CFAP299: variants seen among roughly 807,000 people sequenced by gnomAD.
CFAP299 encodes cilia- and flagella-associated protein 299.
A neutral mutation model predicts 27.0 loss-of-function variants in CFAP299; 21 were observed. That is an observed-to-expected ratio of 0.78 (90% CI 0.55 to 1.12). The LOEUF is 1.12. CFAP299 is among the 50% of genes most tolerant of loss of function. The probability of loss-of-function intolerance (pLI) is 0.00; values close to 1 mark genes in which losing one functional copy is unlikely to be tolerated. For synonymous variants in CFAP299, 104 were observed against 98.1 expected (o/e 1.06, Z -0.36); for missense variants, 310 against 276.6 (o/e 1.12, Z -0.86).
At chr4:80,657,517 T>C (rs1740620901) in intron 3 of CFAP299, among the ~76,000 whole-genome samples, 2 of 152,208 alleles carry the variant, frequency 1.3e-5, no homozygotes, top group Non-Finnish European at 2.9e-5. Context: ...TTGTCAGGTT[T>C]GTCAAAGATC....
intron 3 of CFAP299, among the ~76,000 whole-genome samples, chr4:80,756,810 A>G (rs1725263277): frequency 1.3e-5 from 2 of 152,298 alleles, no homozygotes; most frequent in South Asian, 4.1e-4. Context: ...TGTCATATAT[A>G]AAGTATCTAG....
chr4:80,507,143 T>A (rs940332150), intron 2 of CFAP299, among the ~76,000 whole-genome samples: 1 of 152,130 alleles, frequency 6.6e-6, no homozygotes. Flanking sequence ...GCTCATACTC[T>A]CATGGAGGCT....
chr4:80,363,627 G>A (rs1300629936), intron 2 of CFAP299, among the ~76,000 whole-genome samples: 5 of 152,114 alleles, frequency 3.3e-5, no homozygotes, highest in Non-Finnish European at 4.4e-5. Context: ...ATAACATTTG[G>A]TAGTGGAATG....
At chr4:80,358,852 C>A (rs1723400973) in intron 1 of CFAP299, among the ~76,000 whole-genome samples, 1 of 152,104 alleles carries the variant, frequency 6.6e-6, no homozygotes, top group Admixed American at 6.5e-5. Flanking sequence ...TGGATTTGAT[C>A]CTGTCACCAC....
intron 4 of CFAP299, among the ~76,000 whole-genome samples, chr4:80,921,013 T>C (rs1483099412): frequency 6.6e-6 from 1 of 152,078 alleles, no homozygotes; most frequent in Non-Finnish European, 1.5e-5. Flanking sequence ...AATGCATGTT[T>C]GTTGCCTTCT....
At chr4:80,616,320 A>C (rs1316089220) in intron 3 of CFAP299, among the ~76,000 whole-genome samples, 1 of 152,140 alleles carries the variant, frequency 6.6e-6, no homozygotes, top group Non-Finnish European at 1.5e-5. Context: ...ACTTCATATA[A>C]AAGACTTCAA....
At chr4:80,471,046 C>T (rs71596009) in intron 2 of CFAP299, among the ~76,000 whole-genome samples, 1,867 of 151,934 alleles carry the variant, frequency 0.012, 21 homozygotes, top group Non-Finnish European at 0.017. Flanking sequence ...CACAGAATAA[C>T]CTCGTACAGG....
At chr4:80,726,153 C>T (rs1250913191) in intron 3 of CFAP299, among the ~76,000 whole-genome samples, 1 of 151,868 alleles carries the variant, frequency 6.6e-6, no homozygotes, top group Admixed American at 6.6e-5. Context: ...TGAGTTTATA[C>T]CATCTTTATT....
intron 2 of CFAP299, among the ~76,000 whole-genome samples, chr4:80,426,748 G>C (rs1727549533): frequency 6.6e-6 from 1 of 152,214 alleles, no homozygotes; most frequent in Admixed American, 6.5e-5. Flanking sequence ...GCCTGAGTTA[G>C]ATTCTTGGTT....
chr4:80,708,612 T>C (rs1486408260), intron 3 of CFAP299, among the ~76,000 whole-genome samples: 2 of 152,148 alleles, frequency 1.3e-5, no homozygotes, highest in Admixed American at 1.3e-4. Flanking sequence ...TTCGTGTTAA[T>C]ATTTTTAACA....
At chr4:80,943,093 G>A (rs1330351338) in intron 4 of CFAP299, among the ~76,000 whole-genome samples, 1 of 152,158 alleles carries the variant, frequency 6.6e-6, no homozygotes, top group Non-Finnish European at 1.5e-5. Context: ...GGCCATGAAT[G>A]CACAATTCTC....
At chr4:80,578,495 T>G (rs978461940) in intron 2 of CFAP299, among the ~76,000 whole-genome samples, 1 of 152,168 alleles carries the variant, frequency 6.6e-6, no homozygotes, top group African/African-American at 2.4e-5. Context: ...TTTATCTTCC[T>G]CATTGAGTTT....
intron 3 of CFAP299, among the ~76,000 whole-genome samples, chr4:80,799,268 ATATT>A (rs1203061836): frequency 9.0e-6 from 1 of 110,574 alleles, no homozygotes; most frequent in Non-Finnish European, 1.7e-5. Context: ...TATTTATATA[ATATT>A]TATATATATA....
chr4:80,574,608 C>T (rs1473205168), intron 2 of CFAP299, among the ~76,000 whole-genome samples: 3 of 152,068 alleles, frequency 2.0e-5, no homozygotes, highest in Non-Finnish European at 4.4e-5. Flanking sequence ...TCATATTTGG[C>T]TTTTATTGTT....
At chr4:80,843,397 A>G (rs964185519) in intron 3 of CFAP299, among the ~76,000 whole-genome samples, 4 of 152,082 alleles carry the variant, frequency 2.6e-5, no homozygotes, top group African/African-American at 9.7e-5. Context: ...ATGTCCCTAC[A>G]AAGGACATGA....
chr4:80,838,731 G>C (rs1340422778), intron 3 of CFAP299, among the ~76,000 whole-genome samples: 2 of 152,034 alleles, frequency 1.3e-5, no homozygotes, highest in Non-Finnish European at 2.9e-5. Flanking sequence ...GCTTAGGATT[G>C]TTTTGGCTAT....
intron 2 of CFAP299, among the ~76,000 whole-genome samples, chr4:80,563,676 G>C (rs569451872): frequency 6.6e-6 from 1 of 151,568 alleles, no homozygotes. Flanking sequence ...AAAATTAGTA[G>C]AAGGAAAGGA....
At chr4:80,665,529 C>T (rs1363717803) in intron 3 of CFAP299, among the ~76,000 whole-genome samples, 5 of 152,062 alleles carry the variant, frequency 3.3e-5, no homozygotes, top group Non-Finnish European at 7.4e-5. Flanking sequence ...TTTAATTTTT[C>T]AAAATTATTC....
chr4:80,782,095 A>C (rs1350661423), intron 3 of CFAP299, among the ~76,000 whole-genome samples: 1 of 152,232 alleles, frequency 6.6e-6, no homozygotes, highest in East Asian at 1.9e-4. Context: ...GTTCAGAAGA[A>C]GTATGTGATT....
Sources: gnomAD v4.1 joint callset for allele counts (sites outside exome capture counted in the v4.1 genomes callset) on GRCh38, gnomAD v4.1.1 for gene constraint, MANE v1.5 for transcripts, NCBI Gene and HGNC (gene_info 2026-07-23, HGNC 2026-07-21) for gene names.